PXDNL: variants seen among roughly 807,000 people sequenced by gnomAD.
The protein encoded by PXDNL is probable oxidoreductase PXDNL.
A neutral mutation model predicts 150.8 loss-of-function variants in PXDNL; 145 were observed. The ratio of observed to expected loss-of-function variants is 0.96; its 90% CI spans 0.84 to 1.10. PXDNL has a LOEUF of 1.10. PXDNL is among the 50% of genes least tolerant of loss of function. The pLI, the probability that PXDNL is intolerant of heterozygous loss-of-function variation, is 0.00. For missense variants in PXDNL, 2,087 were observed against 1,873.9 expected, an observed-to-expected ratio of 1.11 and a Z score of -2.10; for synonymous variants, 757 against 725.7, an observed-to-expected ratio of 1.04 and a Z score of -0.69.
chr8:51,379,485 C>A (rs1807465408), intron 17 of PXDNL, among the ~76,000 whole-genome samples: 1 of 151,722 alleles, frequency 6.6e-6, no homozygotes, highest in South Asian at 2.1e-4. Context: ...TTTTTTCTTA[C>A]TGAAATGTGT....
At chr8:51,648,254 A>C (rs1370236409) in intron 2 of PXDNL, among the ~76,000 whole-genome samples, 4 of 152,232 alleles carry the variant, frequency 2.6e-5, no homozygotes, top group Admixed American at 6.5e-5. Flanking sequence ...GGAATCTGTA[A>C]ATTTTATCTG....
At chr8:51,804,568 T>G (rs1008309898) in intron 1 of PXDNL, among the ~76,000 whole-genome samples, 3 of 152,190 alleles carry the variant, frequency 2.0e-5, no homozygotes, top group African/African-American at 7.2e-5. Context: ...AGACTTGTAC[T>G]GTCATTCAAC....
intron 12 of PXDNL, among the ~76,000 whole-genome samples, chr8:51,430,982 C>A (rs1480999739): frequency 4.6e-5 from 7 of 152,160 alleles, no homozygotes; most frequent in Admixed American, 3.9e-4. Flanking sequence ...ATACCCTTCT[C>A]CTACACAATA....
At chr8:51,600,269 CGTTTAGATAATAAATTATAT>C (rs2130678634) in intron 2 of PXDNL, among the ~76,000 whole-genome samples, 1 of 127,166 alleles carries the variant, frequency 7.9e-6, no homozygotes, top group East Asian at 2.3e-4. Context: ...TAAATTATAT[CGTTTAGATAATAAATTATAT>C]CTTATATAAA....
chr8:51,808,541 C>T (rs2037702319), intron 1 of PXDNL, among the ~76,000 whole-genome samples: 1 of 152,084 alleles, frequency 6.6e-6, no homozygotes. Context: ...GAACTCAGAC[C>T]TGTTTGACTT....
chr8:51,500,177 G>A (rs1053230275), intron 4 of PXDNL, among the ~76,000 whole-genome samples: 3 of 152,210 alleles, frequency 2.0e-5, no homozygotes, highest in Non-Finnish European at 4.4e-5. Context: ...TTTCAGAACA[G>A]GGAGAAGTGT....
chr8:51,752,781 T>C (rs2037059147), intron 1 of PXDNL, among the ~76,000 whole-genome samples: 1 of 152,210 alleles, frequency 6.6e-6, no homozygotes, highest in Non-Finnish European at 1.5e-5. Context: ...CTGTTTGGCA[T>C]TGAAGGAAAA....
At chr8:51,767,239 C>T (rs1186268001) in intron 1 of PXDNL, among the ~76,000 whole-genome samples, 1 of 151,720 alleles carries the variant, frequency 6.6e-6, no homozygotes, top group Non-Finnish European at 1.5e-5. Flanking sequence ...TATATATGTT[C>T]CTCTTTGCCT....
In PXDNL at chr8:51,652,090, T is replaced by C. The variant is rs566707960; in HGVS notation, c.236+2599A>G. ...CATTTTTTTAAATTGTAAGAAAACA[T>C]TGGAGTTTCTGTGCAATTTACTATA... is the stretch of plus-strand genomic sequence containing the variant. On this transcript the variant is annotated intron_variant, in intron 2 of 22. Transcript: ENST00000356297. Among the ~76,000 whole-genome samples the C allele has an allele frequency of 1.6e-4, 25 of 152,258 alleles. No individual in the cohort carries two copies. The South Asian group carries it at 5.2e-3, about 32-fold the overall frequency.
chr8:51,450,357 A>G (rs11989754), intron 10 of PXDNL, among the ~76,000 whole-genome samples: 143,598 of 152,144 alleles, frequency 0.94, 68,060 homozygotes, highest in Non-Finnish European at 0.99. Context: ...GACTAAAAAT[A>G]CTAAACCTGC....
At chr8:51,803,388 ACT>A (rs376403427) in intron 1 of PXDNL, among the ~76,000 whole-genome samples, 54 of 151,974 alleles carry the variant, frequency 3.6e-4, no homozygotes, top group African/African-American at 1.2e-3. Context: ...ACACAAAAAA[ACT>A]CTCCCTGTCC....
At chr8:51,547,043 C>T (rs571094545) in intron 4 of PXDNL, among the ~76,000 whole-genome samples, 1 of 152,302 alleles carries the variant, frequency 6.6e-6, no homozygotes, top group African/African-American at 2.4e-5. Flanking sequence ...CCTGCCCCCA[C>T]CTGATGGTTT....
intron 3 of PXDNL, among the ~76,000 whole-genome samples, chr8:51,581,258 G>A (rs1029662896): frequency 7.2e-5 from 11 of 152,024 alleles, no homozygotes; most frequent in East Asian, 1.9e-4. Context: ...AGGCCAAGAC[G>A]GGCAGATTGC....
intron 20 of PXDNL, among the ~76,000 whole-genome samples, chr8:51,341,838 A>G (rs972027): frequency 0.99 from 150,887 of 152,304 alleles, 74,746 homozygotes; most frequent in East Asian, 1. Context: ...ATGTTAGTGA[A>G]GATTATACAA....
intron 2 of PXDNL, among the ~76,000 whole-genome samples, chr8:51,653,980 A>C (rs115696259): frequency 0.021 from 3,182 of 152,252 alleles, 109 homozygotes; most frequent in African/African-American, 0.073. Flanking sequence ...CTTACTATAC[A>C]TAGGAATTTT....
At chr8:51,526,652 T>G (rs915649356) in intron 4 of PXDNL, among the ~76,000 whole-genome samples, 5 of 152,152 alleles carry the variant, frequency 3.3e-5, no homozygotes, top group African/African-American at 7.2e-5. Context: ...ACACAACACA[T>G]CCCTCTGATC....
Position 51,409,290 on chromosome 8 carries a change from C to G in PXDNL, c.2334G>C (p.Pro778=), listed in dbSNP as rs770452399. 1 of 1,420,674 alleles carries G rather than the reference C, an allele frequency of 7.0e-7. No homozygotes were observed. The highest frequency in any genetic ancestry group is 9.1e-7 in the Non-Finnish European group (1 of 1,094,234). 88.0% of individuals were successfully genotyped at this position (1,420,674 alleles called of 1,614,324 possible). ...GLPVGSRQPL[P]PPRLVATVWA... is the part of the protein sequence containing the mutation. ...ACACTGTGGCGACCAGCCGGGGCGG[C>G]GGGAGGGGCTGGCGGGAGCCCACAG... Residue 778 remains proline (P), a synonymous_variant, in exon 17 of 23, where the codon CCG becomes CCC. Transcript: ENST00000356297.
chr8:51,671,847 T>C (rs1031671691), intron 1 of PXDNL, among the ~76,000 whole-genome samples: 2 of 152,194 alleles, frequency 1.3e-5, no homozygotes, highest in African/African-American at 4.8e-5. Context: ...CACTCACCAG[T>C]ATATAGTAGT....
At chr8:51,599,022 T>G (rs891523849) in intron 2 of PXDNL, among the ~76,000 whole-genome samples, 1 of 152,182 alleles carries the variant, frequency 6.6e-6, no homozygotes. Flanking sequence ...TTTGTGTATA[T>G]AGAGGTGTTC....
Sources: gnomAD v4.1 joint callset for allele counts (sites outside exome capture counted in the v4.1 genomes callset) on GRCh38, gnomAD v4.1.1 for gene constraint, MANE v1.5 for transcripts, NCBI Gene and HGNC (gene_info 2026-07-23, HGNC 2026-07-21) for gene names.